LEPR: variants seen among roughly 807,000 people sequenced by gnomAD.
LEPR encodes leptin receptor.
A neutral mutation model predicts 114.7 loss-of-function variants in LEPR; 56 were observed. The ratio of observed to expected loss-of-function variants is 0.49; its 90% CI spans 0.39 to 0.61. LEPR has a LOEUF of 0.61. Among genes scored for constraint, LEPR ranks in the 20% least tolerant of loss-of-function variants. The probability of loss-of-function intolerance (pLI) is 0.00; values close to 1 mark genes in which losing one functional copy is unlikely to be tolerated. For synonymous variants in LEPR, 443 were observed against 461.4 expected (o/e 0.96, Z 0.51); for missense variants, 1,202 against 1,352.9 (o/e 0.89, Z 1.75).
rs112224669 is a variant in LEPR at position 65,571,797 on chromosome 1, A to T, written c.371-529A>T. On this transcript the variant is annotated intron_variant, in intron 4 of 19. Coordinates refer to ENST00000349533, the MANE Select transcript of LEPR (RefSeq NM_002303.6). ...AATGAAACCCCATCTCTACCAAAAA[A>T]AAAAAAAAAAAAAAAAAAAAAAATT... Among the ~76,000 whole-genome samples the T allele has an allele frequency of 9.2e-3, 616 of 66,826 alleles. 2 individuals carry two copies. Among genetic ancestry groups the T allele is most frequent in the African/African-American group, 0.028 (568 of 20,350 alleles). The allele number at this position is 66,826 out of a possible 152,430, so 43.8% of individuals were successfully genotyped here.
chr1:65,612,151 G>A (rs894986513), intron 14 of LEPR, among the ~76,000 whole-genome samples: 11 of 152,122 alleles, frequency 7.2e-5, no homozygotes, highest in African/African-American at 2.7e-4. Context: ...TAAGCCACAA[G>A]GCCACAGGAT....
chr1:65,454,444 C>T lies in LEPR; in HGVS notation c.-21+29066C>T, dbSNP rs185802660. Among the ~76,000 whole-genome samples, 785 of 151,964 alleles carry T rather than the reference C, an allele frequency of 5.2e-3. 8 individuals carry two copies. The highest frequency in any genetic ancestry group is 0.018 in the African/African-American group (740 of 41,440). On this transcript the variant is annotated intron_variant, in intron 2 of 19. Coordinates refer to ENST00000349533, the MANE Select transcript of LEPR (RefSeq NM_002303.6). ...ACCGGTTGTTCCTTTCCATGTTTAG[C>T]GCTTTCTTCAGGAGCTCATTTAGGG...
At chr1:65,478,810 C>T (rs1177124840) in intron 2 of LEPR, among the ~76,000 whole-genome samples, 1 of 152,156 alleles carries the variant, frequency 6.6e-6, no homozygotes, top group Non-Finnish European at 1.5e-5. Flanking sequence ...AGTCAACCAC[C>T]ATACCAATGG....
intron 2 of LEPR, among the ~76,000 whole-genome samples, chr1:65,502,605 G>A (rs139939443): frequency 6.6e-6 from 1 of 152,234 alleles, no homozygotes; most frequent in African/African-American, 2.4e-5. Flanking sequence ...ATATATGTCA[G>A]ATCAGACTAA....
chr1:65,579,520 A>G (rs1654834940), intron 5 of LEPR, among the ~76,000 whole-genome samples: 1 of 152,218 alleles, frequency 6.6e-6, no homozygotes, highest in South Asian at 2.1e-4. Context: ...GTGGATGAAG[A>G]TATATTTGAA....
rs767937371 is a variant in LEPR, at chr1:65,608,746, T to C, written c.1604-7T>C. 1.2e-6 allele frequency: 2 copies of C among 1,612,312 alleles called. No individual in the cohort carries two copies. The highest frequency in any genetic ancestry group is 1.7e-6 in the Non-Finnish European group (2 of 1,179,052). ...CCATCACTTAATACTATTGTAAAAATTTCTAGTGAAGCCACTGCCTCCATC... is the reference window on the plus strand; with the variant it reads ...CCATCACTTAATACTATTGTAAAAACTTCTAGTGAAGCCACTGCCTCCATC... On this transcript the variant is annotated splice_polypyrimidine_tract_variant and splice_region_variant and intron_variant, in intron 11 of 19. Coordinates refer to ENST00000349533, the MANE Select transcript of LEPR (RefSeq NM_002303.6).
chr1:65,472,941 A>C (rs1647106465), intron 2 of LEPR, among the ~76,000 whole-genome samples: 2 of 152,144 alleles, frequency 1.3e-5, no homozygotes, highest in African/African-American at 4.8e-5. Flanking sequence ...CATCTAATGC[A>C]GTGCAGTATT....
chr1:65,463,947 A>G (rs1471491343), intron 2 of LEPR, among the ~76,000 whole-genome samples: 1 of 152,156 alleles, frequency 6.6e-6, no homozygotes, highest in Non-Finnish European at 1.5e-5. Flanking sequence ...GGTTTTCTAA[A>G]TATACAATCA....
chr1:65,478,206 T>G (rs377368653), intron 2 of LEPR, among the ~76,000 whole-genome samples: 1 of 152,186 alleles, frequency 6.6e-6, no homozygotes, highest in Non-Finnish European at 1.5e-5. Flanking sequence ...CAGGCTAGGA[T>G]TTGGGAGACC....
chr1:65,471,680 T>A (rs1647085176), intron 2 of LEPR, among the ~76,000 whole-genome samples: 1 of 152,196 alleles, frequency 6.6e-6, no homozygotes, highest in African/African-American at 2.4e-5. Context: ...AGCAAAGTTC[T>A]ATAGTGTAGT....
intron 2 of LEPR, among the ~76,000 whole-genome samples, chr1:65,449,800 A>G (rs1341641612): frequency 2.0e-5 from 3 of 149,196 alleles, no homozygotes; most frequent in Non-Finnish European, 4.5e-5. Flanking sequence ...TTTCTTTAGA[A>G]TTAATTTGTT....
intron 2 of LEPR, among the ~76,000 whole-genome samples, chr1:65,441,327 G>C (rs114863084): frequency 0.023 from 3,511 of 152,214 alleles, 148 homozygotes; most frequent in African/African-American, 0.08. Context: ...GGGGACAAGG[G>C]AGAGAGTCCT....
chr1:65,546,728 T>C (rs1387382222), intron 2 of LEPR, among the ~76,000 whole-genome samples: 1 of 152,206 alleles, frequency 6.6e-6, no homozygotes. Flanking sequence ...TGGGGTTTTC[T>C]AGATATACAA....
intron 5 of LEPR, among the ~76,000 whole-genome samples, chr1:65,584,573 G>A (rs1421385872): frequency 6.6e-6 from 1 of 152,020 alleles, no homozygotes; most frequent in Non-Finnish European, 1.5e-5. Flanking sequence ...CCCACAGTGT[G>A]TTACTTATTT....
chr1:65,548,768 C>T (rs1398742327), intron 2 of LEPR, among the ~76,000 whole-genome samples: 1 of 151,772 alleles, frequency 6.6e-6, no homozygotes, highest in East Asian at 1.9e-4. Context: ...ATCCAATTTT[C>T]CAGTCTGTGT....
chr1:65,588,364 T>TA (rs35751162), intron 5 of LEPR, among the ~76,000 whole-genome samples: 39,568 of 151,904 alleles, frequency 0.26, 6,322 homozygotes, highest in East Asian at 0.82. Flanking sequence ...AGGTATTGCT[T>TA]ACAAAAATTT....
rs376963463 is a variant in LEPR, at chr1:65,444,790, C to G, written c.-21+19412C>G. On this transcript the variant is annotated intron_variant, in intron 2 of 19. Transcript: ENST00000349533. ...TACAATTTTTACTTTTGCTAACATC[C>G]TCTTGCTTTATTGTTGTAATAATGT... 3.3e-5 allele frequency among the ~76,000 whole-genome samples: 5 copies of G among 152,162 alleles called. 1 individual carries two copies.
rs1311450774 is a variant in LEPR, at chr1:65,425,564, G to C, written c.-21+186G>C. Among the ~76,000 whole-genome samples, 3 of 152,310 alleles carry C rather than the reference G, an allele frequency of 2.0e-5. No homozygotes were observed. The East Asian group carries it at 5.8e-4, about 29-fold the overall frequency. On this transcript the variant is annotated intron_variant, in intron 2 of 19. Coordinates refer to ENST00000349533, the MANE Select transcript of LEPR (RefSeq NM_002303.6). ...GCAGAGGGCTCTGTTAAAAATTGAT[G>C]TATTCATTCCATAAGCATTTGTTTA... is the stretch of plus-strand genomic sequence containing the variant.
At chr1:65,555,726 A>C (rs1364432484) in intron 2 of LEPR, among the ~76,000 whole-genome samples, 1 of 152,152 alleles carries the variant, frequency 6.6e-6, no homozygotes, top group African/African-American at 2.4e-5. Context: ...TGTTTCTGCC[A>C]TGATAGAGAA....
Sources: allele counts gnomAD v4.1 joint callset (sites outside exome capture counted in the v4.1 genomes callset), GRCh38; gene constraint gnomAD v4.1.1; transcripts MANE v1.5; gene names NCBI Gene and HGNC (gene_info 2026-07-23, HGNC 2026-07-21).